Variants in CHN2 observed in about 807,000 individuals in gnomAD.
The protein encoded by CHN2 is chimerin 2.
A neutral mutation model predicts 56.3 loss-of-function variants in CHN2; 35 were observed. That is an observed-to-expected ratio of 0.62 (90% confidence interval 0.47 to 0.82). The LOEUF (loss-of-function observed/expected upper bound fraction) is 0.82, where lower values mean the gene tolerates loss of function less well. CHN2 is among the 40% of genes least tolerant of loss of function. The probability of loss-of-function intolerance (pLI) is 0.00; values close to 1 mark genes in which losing one functional copy is unlikely to be tolerated. For missense variants in CHN2, 491 were observed against 580.5 expected, an observed-to-expected ratio of 0.85 and a Z score of 1.58; for synonymous variants, 210 against 212.8, an observed-to-expected ratio of 0.99 and a Z score of 0.12.
chr7:29,297,139 A>T (rs1793225097), intron 1 of CHN2, among the ~76,000 whole-genome samples: 1 of 152,194 alleles, frequency 6.6e-6, no homozygotes, highest in African/African-American at 2.4e-5. Flanking sequence ...AAAAGGGGAA[A>T]CAGGGACCCT....
intron 1 of CHN2, among the ~76,000 whole-genome samples, chr7:29,279,289 T>A (rs919570397): frequency 6.6e-6 from 1 of 152,254 alleles, no homozygotes; most frequent in African/African-American, 2.4e-5. Context: ...AGAGTATGCT[T>A]TCCTTATCAT....
At chr7:29,252,593 T>TTGTTTTG (rs1562866589) in intron 1 of CHN2, among the ~76,000 whole-genome samples, 12 of 43,006 alleles carry the variant, frequency 2.8e-4, no homozygotes, top group Non-Finnish European at 4.2e-4. Context: ...TTTTTTTTTT[T>TTGTTTTG]TTTTTTTTTT....
At chr7:29,160,854 T>A (rs932985502) in intron 2 of CHN2, among the ~76,000 whole-genome samples, 2 of 152,216 alleles carry the variant, frequency 1.3e-5, no homozygotes, top group Non-Finnish European at 2.9e-5. Context: ...TATCTATTAA[T>A]CATTGACACT....
chr7:29,446,245 A>G (rs561552092), intron 6 of CHN2, among the ~76,000 whole-genome samples: 1 of 152,320 alleles, frequency 6.6e-6, no homozygotes. Flanking sequence ...TATCCATGTA[A>G]CTAAACACCA....
chr7:29,511,928 C>T (rs748695045), intron 12 of CHN2, among the ~76,000 whole-genome samples: 4 of 152,096 alleles, frequency 2.6e-5, no homozygotes, highest in East Asian at 1.9e-4. Flanking sequence ...ACCTGGATGT[C>T]GAAATGATTT....
intron 6 of CHN2, among the ~76,000 whole-genome samples, chr7:29,427,829 G>C (rs912625885): frequency 8.6e-5 from 13 of 151,692 alleles, no homozygotes; most frequent in African/African-American, 3.1e-4. Context: ...GATAATTTTT[G>C]TATTTTTAGT....
chr7:29,157,395 A>G (rs73688308), intron 2 of CHN2, among the ~76,000 whole-genome samples: 57 of 152,176 alleles, frequency 3.7e-4, no homozygotes, highest in African/African-American at 1.3e-3. Context: ...GCTATCCATT[A>G]TTCCTCTATA....
chr7:29,190,854 A>C (rs1782794727), upstream of CHN2, among the ~76,000 whole-genome samples: 1 of 152,154 alleles, frequency 6.6e-6, no homozygotes, highest in African/African-American at 2.4e-5. Context: ...ACAATTGAAC[A>C]ACATCCACTG....
rs75911355 is a variant in CHN2, at chr7:29,458,997, C to T, written c.577-21282C>T. ...TGTTGCCTTGAATTTGACAGTGATC[C>T]TTTCACAAAGAAGTTTCCCTGGTTT... On this transcript the variant is annotated intron_variant, in intron 6 of 12. Transcript: ENST00000222792. Among the ~76,000 whole-genome samples the T allele has an allele frequency of 2.4e-3, 363 of 152,286 alleles. 3 individuals are homozygous for T. The highest frequency in any genetic ancestry group is 8.4e-3 in the African/African-American group (349 of 41,554).
rs558133456 is a variant in CHN2 at position 29,479,707 on chromosome 7, C to T, written c.577-572C>T. 2.0e-5 allele frequency: 22 copies of T among 1,077,410 alleles called. No individual in the cohort carries two copies. In the African/African-American group the frequency reaches 2.9e-4, roughly 14 times the overall value. 66.7% of individuals were successfully genotyped at this position (1,077,410 alleles called of 1,614,324 possible). ...GTCAGAGCTGGCTGGGGGGTGTGTG[C>T]GCTGGTGTGTTTGAGTGTGAAATGT... On this transcript the variant is annotated intron_variant, in intron 6 of 12. Coordinates refer to ENST00000222792, the MANE Select transcript of CHN2 (RefSeq NM_004067.4).
chr7:29,368,199 ATT>A lies in CHN2; in HGVS notation c.144+216_144+217del, dbSNP rs1012976517. Among the ~76,000 whole-genome samples, 8 of 152,130 alleles carry A rather than the reference ATT, an allele frequency of 5.3e-5. 1 individual carries two copies. Among genetic ancestry groups the A allele is most frequent in the African/African-American group, 1.9e-4 (8 of 41,450 alleles). Reference sequence around the variant, plus strand: ...ACCAACTTGGACTCAGATGTCTCATATTTTTAACCATTGCCGAGACAAATTAA... The same window carrying A: ...ACCAACTTGGACTCAGATGTCTCATATTTAACCATTGCCGAGACAAATTAA... On this transcript the variant is annotated intron_variant, in intron 3 of 12. Coordinates refer to ENST00000222792, the MANE Select transcript of CHN2 (RefSeq NM_004067.4).
At chr7:29,210,322 C>T (rs1340257983) in intron 1 of CHN2, among the ~76,000 whole-genome samples, 2 of 152,092 alleles carry the variant, frequency 1.3e-5, no homozygotes, top group Non-Finnish European at 2.9e-5. Flanking sequence ...TCTTAGTAAG[C>T]CCAGAGGTAG....
At chr7:29,422,935 A>G (rs1469522564) in intron 6 of CHN2, among the ~76,000 whole-genome samples, 1 of 152,230 alleles carries the variant, frequency 6.6e-6, no homozygotes, top group East Asian at 1.9e-4. Context: ...AAAAGCTTCC[A>G]TGTTTAGGGG....
intron 1 of CHN2, among the ~76,000 whole-genome samples, chr7:29,218,313 A>G (rs1304507571): frequency 6.6e-6 from 1 of 152,120 alleles, no homozygotes; most frequent in African/African-American, 2.4e-5. Flanking sequence ...GAATCATACA[A>G]TATCTGTGTT....
At chr7:29,463,311 G>C (rs1404324916) in intron 6 of CHN2, among the ~76,000 whole-genome samples, 1 of 152,104 alleles carries the variant, frequency 6.6e-6, no homozygotes, top group East Asian at 1.9e-4. Context: ...CAGCGGCAGT[G>C]AACTTTCCTA....
At chr7:29,356,352 A>T (rs1189892418) in intron 2 of CHN2, among the ~76,000 whole-genome samples, 1 of 152,202 alleles carries the variant, frequency 6.6e-6, no homozygotes, top group Non-Finnish European at 1.5e-5. Context: ...GAATGTACGT[A>T]TTTGTTACAA....
intron 6 of CHN2, among the ~76,000 whole-genome samples, chr7:29,411,725 G>A (rs1803232474): frequency 2.0e-5 from 3 of 152,182 alleles, no homozygotes; most frequent in South Asian, 2.1e-4. Flanking sequence ...AAGGCTTCCC[G>A]CCACCCGATA....
At chr7:29,281,714 G>A (rs1159916055) in intron 1 of CHN2, among the ~76,000 whole-genome samples, 1 of 152,170 alleles carries the variant, frequency 6.6e-6, no homozygotes, top group Non-Finnish European at 1.5e-5. Flanking sequence ...TCTTCTACCT[G>A]CTGCTGGGAG....
intron 2 of CHN2, among the ~76,000 whole-genome samples, chr7:29,160,878 T>C (rs187534031): frequency 2.6e-5 from 4 of 152,314 alleles, no homozygotes; most frequent in Admixed American, 2.6e-4. Flanking sequence ...TTGATAGTCT[T>C]TTCTATTTTT....
Sources: gnomAD v4.1 joint callset for allele counts (sites outside exome capture counted in the v4.1 genomes callset) on GRCh38, gnomAD v4.1.1 for gene constraint, MANE v1.5 for transcripts, NCBI Gene and HGNC (gene_info 2026-07-23, HGNC 2026-07-21) for gene names.